The following MACROD2 variants were observed in gnomAD, a reference collection of about 807,000 sequenced individuals.
MACROD2 encodes mono-ADP ribosylhydrolase 2, also known as ADP-ribose glycohydrolase MACROD2.
A neutral mutation model predicts 70.4 loss-of-function variants in MACROD2; 36 were observed. The observed-to-expected ratio is 0.51, with a 90% CI of 0.39 to 0.68. The LOEUF (loss-of-function observed/expected upper bound fraction) is 0.68. MACROD2 is among the 30% of genes least tolerant of loss of function. The pLI is 0.00. For missense variants in MACROD2, 496 were observed against 538.4 expected (o/e 0.92, Z 0.78); for synonymous variants, 172 against 178.8 (o/e 0.96, Z 0.30).
chr20:15,079,036 T>A (rs1225818954), intron 5 of MACROD2, among the ~76,000 whole-genome samples: 1 of 152,150 alleles, frequency 6.6e-6, no homozygotes, highest in East Asian at 1.9e-4. Flanking sequence ...TCATTTTTCC[T>A]GTACACCATG....
chr20:16,035,725 C>G (rs2067225826), intron 15 of MACROD2, among the ~76,000 whole-genome samples: 1 of 151,950 alleles, frequency 6.6e-6, no homozygotes, highest in African/African-American at 2.4e-5. Flanking sequence ...GTTGTCTGTT[C>G]TTTTGCTCAT....
chr20:15,563,256 G>T (rs981595138), intron 8 of MACROD2, among the ~76,000 whole-genome samples: 1 of 152,150 alleles, frequency 6.6e-6, no homozygotes, highest in Non-Finnish European at 1.5e-5. Flanking sequence ...TACTAGTCTA[G>T]CTTGCTGTGC....
chr20:15,028,145 C>T (rs991225021), intron 5 of MACROD2, among the ~76,000 whole-genome samples: 2 of 152,216 alleles, frequency 1.3e-5, no homozygotes, highest in Admixed American at 6.5e-5. Context: ...GGCACTGCCC[C>T]TGGAGGGAAG....
chr20:14,554,461 TG>T (rs1978888406), intron 4 of MACROD2: 1 of 152,180 alleles, frequency 6.6e-6, no homozygotes, highest in Non-Finnish European at 1.5e-5. Flanking sequence ...CTGGAGAATC[TG>T]ACTTACTCTT....
At chr20:14,218,226 A>G (rs2081640573) in intron 3 of MACROD2, among the ~76,000 whole-genome samples, 1 of 152,096 alleles carries the variant, frequency 6.6e-6, no homozygotes, top group African/African-American at 2.4e-5. Flanking sequence ...TAGAATTGTG[A>G]TATTTTCCTG....
intron 5 of MACROD2, among the ~76,000 whole-genome samples, chr20:15,046,031 C>T (rs1019861974): frequency 6.6e-6 from 1 of 151,882 alleles, no homozygotes; most frequent in Non-Finnish European, 1.5e-5. Context: ...GGCGTCCTTT[C>T]GGAGATCATC....
intron 3 of MACROD2, among the ~76,000 whole-genome samples, chr20:14,091,428 A>G (rs2054147614): frequency 6.6e-6 from 1 of 152,160 alleles, no homozygotes; most frequent in African/African-American, 2.4e-5. Context: ...TAGCAGGGTG[A>G]CTGTAATAAA....
At chr20:15,046,740 G>T (rs2075397525) in intron 5 of MACROD2, among the ~76,000 whole-genome samples, 1 of 152,068 alleles carries the variant, frequency 6.6e-6, no homozygotes, top group Non-Finnish European at 1.5e-5. Flanking sequence ...CCTCACTTCT[G>T]GACTATCACA....
chr20:15,629,938 C>A (rs891022841), intron 8 of MACROD2, among the ~76,000 whole-genome samples: 1 of 152,166 alleles, frequency 6.6e-6, no homozygotes, highest in African/African-American at 2.4e-5. Context: ...TGGGAATGGT[C>A]AAACATTTTC....
intron 3 of MACROD2, among the ~76,000 whole-genome samples, chr20:14,336,970 A>T (rs1416763938): frequency 1.3e-5 from 2 of 152,126 alleles, no homozygotes; most frequent in Admixed American, 1.3e-4. Context: ...TGTACTGCGT[A>T]CTCATGGGCT....
chr20:15,622,953 C>T (rs1348487883), intron 8 of MACROD2, among the ~76,000 whole-genome samples: 1 of 152,106 alleles, frequency 6.6e-6, no homozygotes, highest in Non-Finnish European at 1.5e-5. Context: ...TTCAGATATC[C>T]ACTGGGGATC....
At chr20:15,323,145 G>T (rs1208570615) in intron 6 of MACROD2, among the ~76,000 whole-genome samples, 1 of 152,144 alleles carries the variant, frequency 6.6e-6, no homozygotes, top group Non-Finnish European at 1.5e-5. Flanking sequence ...TGAGCACGAG[G>T]GGGCAGTAAT....
chr20:15,885,199 G>A (rs972320744), intron 9 of MACROD2, among the ~76,000 whole-genome samples: 2 of 152,236 alleles, frequency 1.3e-5, no homozygotes, highest in Non-Finnish European at 2.9e-5. Context: ...CCAGTTAAAA[G>A]GGATTATACT....
At chr20:15,906,135 G>C (rs112254767) in intron 10 of MACROD2, among the ~76,000 whole-genome samples, 10 of 152,196 alleles carry the variant, frequency 6.6e-5, no homozygotes, top group African/African-American at 2.4e-4. Flanking sequence ...AATGTGGAGC[G>C]AAAGTGGAAT....
intron 8 of MACROD2, among the ~76,000 whole-genome samples, chr20:15,769,171 G>A (rs926834015): frequency 5.3e-5 from 8 of 152,036 alleles, no homozygotes; most frequent in South Asian, 2.1e-4. Context: ...TTTTTGAGAC[G>A]GAGTCTCACT....
intron 8 of MACROD2, among the ~76,000 whole-genome samples, chr20:15,605,904 A>C (rs2146698172): frequency 6.6e-6 from 1 of 152,318 alleles, no homozygotes; most frequent in South Asian, 2.1e-4. Flanking sequence ...GTTACAGGTA[A>C]ATCACGATGC....
At chr20:14,307,713 G>A (rs1250182416) in intron 3 of MACROD2, among the ~76,000 whole-genome samples, 4 of 151,902 alleles carry the variant, frequency 2.6e-5, no homozygotes, top group African/African-American at 4.8e-5. Context: ...TATTACCAAC[G>A]GTCTTTGAAA....
chr20:15,165,360 G>C (rs1158256807), intron 5 of MACROD2, among the ~76,000 whole-genome samples: 2 of 152,230 alleles, frequency 1.3e-5, no homozygotes, highest in Non-Finnish European at 2.9e-5. Context: ...GGCAGCTGAG[G>C]CAGGAGAATG....
intron 5 of MACROD2, among the ~76,000 whole-genome samples, chr20:15,120,277 TGTGC>T (rs2123245931): frequency 2.0e-5 from 1 of 50,328 alleles, no homozygotes; most frequent in South Asian, 1.5e-3. Context: ...TGTGTGTGTG[TGTGC>T]ATTCATGCAT....
Sources: allele counts gnomAD v4.1 joint callset (sites outside exome capture counted in the v4.1 genomes callset), GRCh38; gene constraint gnomAD v4.1.1; transcripts MANE v1.5; gene names NCBI Gene and HGNC (gene_info 2026-07-23, HGNC 2026-07-21).